Variants in DNAJC9 observed in about 807,000 individuals in gnomAD.
DNAJC9 encodes DnaJ heat shock protein family (Hsp40) member C9, also known as dnaJ homolog subfamily C member 9.
In DNAJC9, 18 loss-of-function variants were observed where a neutral mutation model predicts 32.4. The ratio of observed to expected loss-of-function variants is 0.56; its 90% CI spans 0.38 to 0.82. DNAJC9 has a LOEUF of 0.82. Ranked by LOEUF, DNAJC9 falls within the 40% of genes least tolerant of loss-of-function variation. The pLI is 0.00. For missense variants in DNAJC9, 310 were observed against 321.8 expected, an observed-to-expected ratio of 0.96 and a Z score of 0.28; for synonymous variants, 113 against 122.1, an observed-to-expected ratio of 0.93 and a Z score of 0.49.
chr10:73,243,089 C>G lies in DNAJC9; in HGVS notation c.*311G>C. On this transcript the variant is annotated 3_prime_UTR_variant, in exon 5 of 5. Transcript: ENST00000372950. ...GAAAGCAGCATGAACAGAACCACAT[C>G]CTAGATAAGAGTTCTGTGTACAGAA... 3.5e-6 allele frequency: 1 copy of G among 289,648 alleles called. No individual in the cohort carries two copies. Among genetic ancestry groups the G allele is most frequent in the Non-Finnish European group, 6.5e-6 (1 of 152,688 alleles). 17.9% of individuals were successfully genotyped at this position (289,648 alleles called of 1,614,324 possible). A position where few individuals can be genotyped will look rare whatever the true frequency, so the allele number is the denominator to read the frequency against.
At chr10:73,232,898 C>A in intron 2 of DNAJC9, 2 of 1,194,312 alleles carry the variant, frequency 1.7e-6, no homozygotes, top group Non-Finnish European at 2.4e-6. Context: ...CCTTGACATA[C>A]TGATCTTTAC....
In DNAJC9 at chr10:73,247,107, T is replaced by C. The variant is rs2044023949; in HGVS notation, c.83A>G (p.Asp28Gly). Residue 28 changes from aspartate to glycine, a missense_variant, in exon 1 of 5, where the codon GAC (aspartate) becomes GGC (glycine). By Grantham distance (94) the Asp-to-Gly change is moderately conservative. Transcript: ENST00000372950. ...GTGGTAGCCTCGTCGGACCTCGCCG[T>C]CGGAGGCCTCGCGTCGCACGCCCAG... ...RVLGVRREASDGEVRRGYHKV... is the reference protein window; with the variant it reads ...RVLGVRREASGGEVRRGYHKV... The C allele has an allele frequency of 1.3e-6, 2 of 1,595,068 alleles. No homozygotes were observed. The highest frequency in any genetic ancestry group is 2.3e-5 in the South Asian group (2 of 88,442).
At chr10:73,236,338 T>C (rs1162781018), downstream of DNAJC9, among the ~76,000 whole-genome samples, 1 of 151,942 alleles carries the variant, frequency 6.6e-6, no homozygotes, top group African/African-American at 2.4e-5. Flanking sequence ...TCTTTTTGTC[T>C]CTTCCTGGAT....
rs2044002138 is a variant in DNAJC9, at chr10:73,245,979, T to C, written c.519A>G (p.Pro173=). The change falls in exon 3 of 5, where the codon CCA becomes CCG. Residue 173 remains proline (P), a synonymous_variant. Coordinates refer to ENST00000372950, the MANE Select transcript of DNAJC9 (RefSeq NM_015190.5). Reference sequence around the variant, plus strand: ...ATTCTTTGACAAAGGCATTATAGGATGGGACCTCTCCGGCGTCAATAGCTT... The same window carrying C: ...ATTCTTTGACAAAGGCATTATAGGACGGGACCTCTCCGGCGTCAATAGCTT... ...IQQAIDAGEV[P]SYNAFVKESK... 6.2e-7 allele frequency: 1 copy of C among 1,613,624 alleles called. No individual in the cohort carries two copies. The highest frequency in any genetic ancestry group is 8.5e-7 in the Non-Finnish European group (1 of 1,179,788).
chr10:73,233,086 T>A lies in DNAJC9; in HGVS notation n.147+10757A>T, dbSNP rs373653360. 1.6e-4 allele frequency: 255 copies of A among 1,551,632 alleles called. 2 individuals are homozygous for A. In the African/African-American group the frequency reaches 3.1e-3, roughly 19 times the overall value. On this transcript the variant is annotated intron_variant and non_coding_transcript_variant, in intron 2 of 2. Coordinates refer to the DNAJC9 transcript ENST00000469143. ...GGAGACGCAATCCACCACCACGAAC[T>A]CTTCATCCGATCAGCACGAGCCATT...
At chr10:73,235,108 T>C (rs1291955523), downstream of DNAJC9, 4 of 1,479,270 alleles carry the variant, frequency 2.7e-6, no homozygotes, top group Non-Finnish European at 3.7e-6. Context: ...GCACTTACCA[T>C]ATCTGCCATG....
At chr10:73,236,525 T>C (rs2043826343), downstream of DNAJC9, among the ~76,000 whole-genome samples, 1 of 151,532 alleles carries the variant, frequency 6.6e-6, no homozygotes, top group Non-Finnish European at 1.5e-5. Context: ...GTGATTCTCC[T>C]GCCTCAGCCT....
downstream of DNAJC9, chr10:73,235,278 CCGACT>C (rs1245678935): frequency 3.9e-6 from 6 of 1,552,000 alleles, no homozygotes; most frequent in Middle Eastern, 3.3e-4. Context: ...CTCCTTTTGC[CCGACT>C]TTTTCCCCAG....
chr10:73,239,361 C>A, downstream of DNAJC9: 1 of 1,551,636 alleles, frequency 6.4e-7, no homozygotes, highest in South Asian at 1.2e-5. Flanking sequence ...CCTCATCAGG[C>A]CCGACCTGGC....
downstream of DNAJC9, among the ~76,000 whole-genome samples, chr10:73,236,729 T>TC (rs1019128268): frequency 1.3e-5 from 2 of 150,332 alleles, no homozygotes; most frequent in African/African-American, 4.9e-5. Context: ...TCTTTTCTTT[T>TC]TTTTTTTTTT....
intron 2 of DNAJC9, among the ~76,000 whole-genome samples, chr10:73,232,741 G>T (rs1030675002): frequency 6.6e-6 from 1 of 152,180 alleles, no homozygotes; most frequent in African/African-American, 2.4e-5. Flanking sequence ...TTGAAATAAT[G>T]TCCCACTTTT....
chr10:73,239,194 A>T, downstream of DNAJC9: 1 of 784,952 alleles, frequency 1.3e-6, no homozygotes, highest in Non-Finnish European at 2.1e-6. Context: ...TTTTCCCTCA[A>T]GTTGGTAGTC....
chr10:73,238,240 G>A (rs142735327), downstream of DNAJC9, among the ~76,000 whole-genome samples: 436 of 152,224 alleles, frequency 2.9e-3, 2 homozygotes, highest in African/African-American at 0.01. Context: ...CCAGCTACTC[G>A]GGAGGCTAAG....
chr10:73,232,716 A>C (rs2043733920), intron 2 of DNAJC9, among the ~76,000 whole-genome samples: 1 of 152,202 alleles, frequency 6.6e-6, no homozygotes, highest in Admixed American at 6.5e-5. Flanking sequence ...CCATTCTAGT[A>C]AATTATGTTT....
intron 2 of DNAJC9, chr10:73,233,051 C>T: frequency 1.3e-6 from 2 of 1,551,542 alleles, no homozygotes; most frequent in Non-Finnish European, 1.7e-6. Context: ...ATACACAGTG[C>T]AGTCCACCAG....
downstream of DNAJC9, chr10:73,239,509 C>T: frequency 3.0e-6 from 2 of 666,512 alleles, no homozygotes; most frequent in South Asian, 4.8e-5. Flanking sequence ...TTTCCCACAT[C>T]TTTGTAAATC....
downstream of DNAJC9, chr10:73,234,183 A>G (rs957577395): frequency 4.6e-5 from 7 of 152,346 alleles, no homozygotes; most frequent in African/African-American, 1.7e-4. Context: ...AAGCATTATT[A>G]TGTGGATGTA....
Position 73,247,201 on chromosome 10 carries a change from A to C in DNAJC9, c.-12T>G, listed in dbSNP as rs1241591070. 2 of 1,584,714 alleles carry C rather than the reference A, an allele frequency of 1.3e-6. No homozygotes were observed. The highest frequency in any genetic ancestry group is 3.6e-5 in the Admixed American group (2 of 56,282). ...TCCAGCAGCCCCATGCCGGGCGGAG[A>C]TACGACCCCGGAGGAAGCAGCCGCT... On this transcript the variant is annotated 5_prime_UTR_variant, in exon 1 of 5. Coordinates refer to ENST00000372950, the MANE Select transcript of DNAJC9 (RefSeq NM_015190.5).
chr10:73,235,884 T>C (rs1028675914), downstream of DNAJC9, among the ~76,000 whole-genome samples: 2 of 152,188 alleles, frequency 1.3e-5, no homozygotes, highest in Admixed American at 6.5e-5. Flanking sequence ...GCCTACCATT[T>C]ATTAGGCATT....
Sources: gnomAD v4.1 joint callset for allele counts (sites outside exome capture counted in the v4.1 genomes callset) on GRCh38, gnomAD v4.1.1 for gene constraint, MANE v1.5 for transcripts, NCBI Gene and HGNC (gene_info 2026-07-23, HGNC 2026-07-21) for gene names.